DST: variants seen among roughly 807,000 people sequenced by gnomAD.
The protein encoded by DST is bullous pemphigoid antigen.
A neutral mutation model predicts 875.2 loss-of-function variants in DST; 253 were observed. The observed-to-expected ratio is 0.29, with a 90% confidence interval of 0.26 to 0.32. The LOEUF is 0.32. Among genes scored for constraint, DST ranks in the 10% least tolerant of loss-of-function variants. The pLI, the probability that DST is intolerant of heterozygous loss-of-function variation, is 1.00. For synonymous variants in DST, 3,124 were observed against 3,197.1 expected (o/e 0.98, Z 0.77); for missense variants, 8,287 against 9,111.6 (o/e 0.91, Z 3.68).
chr6:56,553,804 T>C (rs1279327236), intron 60 of DST, 149 bp from the exon 61 acceptor site: 1 of 717,472 alleles, frequency 1.4e-6, no homozygotes, highest in Non-Finnish European at 2.2e-6. Flanking sequence ...CAAGTGAACT[T>C]AAGTTATTGA....
intron 49 of DST, among the ~76,000 whole-genome samples, chr6:56,587,527 C>A (rs1309452168): frequency 6.6e-6 from 1 of 152,086 alleles, no homozygotes; most frequent in Admixed American, 6.5e-5. Context: ...TCTAGCAAGG[C>A]AGGCCAACAT....
intron 36 of DST, chr6:56,615,834 T>C (rs1384287174): frequency 6.2e-7 from 1 of 1,614,044 alleles, no homozygotes; most frequent in Non-Finnish European, 8.5e-7. Context: ...TTTATAATAT[T>C]TGCATTCACA....
At chr6:56,655,263 A>T (rs2099001236) in intron 10 of DST, among the ~76,000 whole-genome samples, 1 of 152,158 alleles carries the variant, frequency 6.6e-6, no homozygotes, top group Non-Finnish European at 1.5e-5. Flanking sequence ...GGAGCATGAA[A>T]CAACATCAAA....
intron 61 of DST, chr6:56,540,135 G>T (rs4466244): frequency 0.67 from 101,260 of 152,184 alleles, 34,249 homozygotes; most frequent in East Asian, 0.8. Context: ...GTGGCATCTT[G>T]CAGGGTGCTA....
intron 10 of DST, among the ~76,000 whole-genome samples, chr6:56,668,914 A>C (rs892391705): frequency 2.6e-5 from 4 of 152,162 alleles, no homozygotes; most frequent in Admixed American, 2.6e-4. Context: ...AGTGAAAGGA[A>C]GGAAGAAAGA....
chr6:56,572,796 T>C lies in DST; in HGVS notation c.13505A>G (p.Glu4502Gly). 6.2e-7 allele frequency: 1 copy of C among 1,608,870 alleles called. No homozygotes were observed. Among genetic ancestry groups the C allele is most frequent in the Non-Finnish European group, 8.5e-7 (1 of 1,178,100 alleles). Residue 4502 changes from glutamate (E) to glycine (G), a missense_variant, in exon 52 of 104, where the codon GAA becomes GGA. Physicochemically the swap from Glu to Gly is moderately conservative, Grantham distance 98 (BLOSUM62 -2). This residue lies in a region of DST where 1,513 missense variants were observed against 1,677.8 expected (regional missense o/e 0.90). Transcript: ENST00000680361. ...AACATCTTTTCCTGGCACATCTACT[T>C]CAGTAAGAGCCTGAGTTTTTGTTTC... is the stretch of plus-strand genomic sequence containing the variant. ...FLETKTQALT[E>G]VDVPGKDVTE...
intron 3 of DST, among the ~76,000 whole-genome samples, chr6:56,852,912 T>G (rs775510590): frequency 2.0e-5 from 3 of 152,216 alleles, no homozygotes; most frequent in Non-Finnish European, 2.9e-5. Context: ...GTGAGCCACA[T>G]CCCAAAACAC....
intron 2 of DST, among the ~76,000 whole-genome samples, chr6:56,952,130 G>A (rs529864362): frequency 3.3e-5 from 5 of 152,280 alleles, no homozygotes; most frequent in South Asian, 2.1e-4. Flanking sequence ...ACACAAAGAT[G>A]TCAAACTGTA....
At chr6:56,686,615 C>T (rs1196189012) in intron 9 of DST, among the ~76,000 whole-genome samples, 1 of 152,050 alleles carries the variant, frequency 6.6e-6, no homozygotes, top group Non-Finnish European at 1.5e-5. Flanking sequence ...CACTGTATGA[C>T]ACATAATAGA....
chr6:56,578,697 G>A, intron 50 of DST, 117 bp downstream of exon 50: 1 of 1,063,452 alleles, frequency 9.4e-7, no homozygotes. Flanking sequence ...CCATTTCACA[G>A]AGAAAGAGCA....
At chr6:56,627,112 C>T in intron 34 of DST, 92 bp downstream of exon 34, 1 of 973,950 alleles carries the variant, frequency 1.0e-6, no homozygotes, top group South Asian at 1.3e-5. Context: ...TTCTTTTAAA[C>T]ACTGAGTGAA....
chr6:56,497,317 G>A, intron 82 of DST, 62 bp downstream of exon 82: 1 of 1,568,830 alleles, frequency 6.4e-7, no homozygotes, highest in Non-Finnish European at 8.7e-7. Flanking sequence ...TATCGCCAGG[G>A]CCCATATAAC....
At chr6:56,581,995 G>C (rs113189108) in intron 49 of DST, among the ~76,000 whole-genome samples, 19 of 151,364 alleles carry the variant, frequency 1.3e-4, no homozygotes, top group African/African-American at 4.6e-4. Context: ...TTTTCCACAC[G>C]TGCAAATCAA....
At chr6:56,867,311 T>TG (rs1161548944) in intron 3 of DST, among the ~76,000 whole-genome samples, 1 of 152,220 alleles carries the variant, frequency 6.6e-6, no homozygotes, top group African/African-American at 2.4e-5. Context: ...GCACAGAGCC[T>TG]GACTCATAGG....
chr6:56,510,871 A>G (rs2096461799), intron 73 of DST, among the ~76,000 whole-genome samples: 1 of 152,076 alleles, frequency 6.6e-6, no homozygotes, highest in Non-Finnish European at 1.5e-5. Context: ...AATAATTATA[A>G]CACTTTCCTT....
chr6:56,592,530 T>C (rs916815189), intron 48 of DST, among the ~76,000 whole-genome samples, 172 bp from the exon 49 acceptor site: 2 of 152,184 alleles, frequency 1.3e-5, no homozygotes, highest in Admixed American at 1.3e-4. Flanking sequence ...AGAGGTACCC[T>C]ATAAGAAGCC....
At chr6:56,674,853 T>G (rs1047180920) in intron 9 of DST, among the ~76,000 whole-genome samples, 10 of 152,210 alleles carry the variant, frequency 6.6e-5, no homozygotes, top group Admixed American at 3.3e-4. Flanking sequence ...AATCTACAGA[T>G]TCAATGCAAT....
Position 56,526,460 on chromosome 6 carries a change from C to A in DST, c.18030G>T (p.Glu6010Asp), listed in dbSNP as rs775505089. ...LVPWRAREGL[E>D]KMVAEDNERY... is the part of the protein sequence containing the mutation. ...GCTCATTGTCCTCAGCTACCATTTTCTCAAGTCCTTCTCTTGCCCTCCATG... is the reference window on the plus strand; with the variant it reads ...GCTCATTGTCCTCAGCTACCATTTTATCAAGTCCTTCTCTTGCCCTCCATG... The change falls in exon 69 of 104, where the codon GAG (glutamate) becomes GAT (aspartate). Residue 6010 changes from glutamate (E) to aspartate (D), a missense_variant. Around this residue, in one of 10 missense-constraint regions of DST, gnomAD observed 777 missense variants for 764.8 expected, o/e 1.02. Transcript: ENST00000680361. 1.9e-6 allele frequency: 3 copies of A among 1,613,892 alleles called. No individual in the cohort carries two copies. Among genetic ancestry groups the A allele is most frequent in the South Asian group, 2.2e-5 (2 of 91,078 alleles).
intron 3 of DST, among the ~76,000 whole-genome samples, chr6:56,865,988 TTTTG>T (rs1314249015): frequency 6.6e-6 from 1 of 152,054 alleles, no homozygotes. Context: ...GTTTTTGTTT[TTTTG>T]TTTGTTTGTT....
Sources: allele counts gnomAD v4.1 joint callset (sites outside exome capture counted in the v4.1 genomes callset), GRCh38; gene constraint gnomAD v4.1.1; regional missense constraint gnomAD v4.1.1; transcripts MANE v1.5; gene names NCBI Gene and HGNC (gene_info 2026-07-23, HGNC 2026-07-21).